The following SLC2A10 variants were observed in gnomAD, a reference collection of about 807,000 sequenced individuals.
The protein encoded by SLC2A10 is solute carrier family 2 member 10.
In SLC2A10, 25 loss-of-function variants were observed where a neutral mutation model predicts 32.1. The ratio of observed to expected loss-of-function variants is 0.78; its 90% CI spans 0.57 to 1.09. The LOEUF (loss-of-function observed/expected upper bound fraction) is 1.09, where lower values mean the gene tolerates loss of function less well. SLC2A10 is among the 50% of genes least tolerant of loss of function. The pLI, the probability that SLC2A10 is intolerant of heterozygous loss-of-function variation, is 0.00. For synonymous variants in SLC2A10, 332 were observed against 309.6 expected (o/e 1.07, Z -0.76); for missense variants, 673 against 686.5 (o/e 0.98, Z 0.22).
chr20:46,728,742 C>T (rs902158891), intron 3 of SLC2A10, among the ~76,000 whole-genome samples: 18 of 151,652 alleles, frequency 1.2e-4, no homozygotes, highest in African/African-American at 3.6e-4. Flanking sequence ...CTCAGCCTCC[C>T]GAGTAGCTGG....
chr20:46,729,201 C>A, intron 3 of SLC2A10, 152 bp from the exon 4 acceptor site: 1 of 925,344 alleles, frequency 1.1e-6, no homozygotes. Context: ...ACTTCACTGA[C>A]AGCTTATTGG....
intron 4 of SLC2A10, among the ~76,000 whole-genome samples, chr20:46,730,677 TG>T (rs1216927398): frequency 6.6e-6 from 1 of 151,568 alleles, no homozygotes; most frequent in Non-Finnish European, 1.5e-5. Flanking sequence ...ACAGGCCAGA[TG>T]GGTAGGATCA....
At chr20:46,726,469 T>A (rs1964823482) in intron 2 of SLC2A10, 145 bp downstream of exon 2, 1 of 1,234,468 alleles carries the variant, frequency 8.1e-7, no homozygotes, top group Non-Finnish European at 1.1e-6. Flanking sequence ...GCCCCTCACT[T>A]ACCTGCAGTT....
intron 1 of SLC2A10, among the ~76,000 whole-genome samples, chr20:46,723,199 C>T (rs551877344): frequency 6.6e-6 from 1 of 152,134 alleles, no homozygotes. Flanking sequence ...CTCATGGTTA[C>T]CCCCCATCAT....
chr20:46,725,735 A>C lies in SLC2A10; in HGVS notation c.699A>C (p.Thr233=), dbSNP rs546032251. The change falls in exon 2 of 5, where the codon ACA becomes ACC. Residue 233 remains threonine, a synonymous_variant. Coordinates refer to ENST00000359271, the MANE Select transcript of SLC2A10 (RefSeq NM_030777.4). ...RARDNMRGRT[T]VGLGLVLFQQ... ...GCGATAACATGCGAGGCCGGACCAC[A>C]GTGGGCCTGGGGCTGGTGCTCTTCC... 5.6e-6 allele frequency: 9 copies of C among 1,614,174 alleles called. No homozygotes were observed. The East Asian group carries it at 1.8e-4, about 32-fold the overall frequency.
intron 1 of SLC2A10, among the ~76,000 whole-genome samples, chr20:46,722,738 G>A (rs924072539): frequency 6.6e-6 from 1 of 152,232 alleles, no homozygotes; most frequent in Non-Finnish European, 1.5e-5. Flanking sequence ...TGAAATGGCA[G>A]TTACTCTTCT....
Position 46,729,398 on chromosome 20 carries a change from C to A in SLC2A10, c.1457C>A (p.Ala486Asp), listed in dbSNP as rs775211875. The change falls in exon 4 of 5, where the codon GCT (alanine) becomes GAT (aspartate). Residue 486 changes from alanine to aspartate, a missense_variant. Transcript: ENST00000359271. Reference sequence around the variant, plus strand: ...ACCTTCCTGCTCTACGGACTGACCGCTGTCCTCGGCCTGGGCTTCATCTAT... The same window carrying A: ...ACCTTCCTGCTCTACGGACTGACCGATGTCCTCGGCCTGGGCTTCATCTAT... ...SWTFLLYGLT[A>D]VLGLGFIYLF... The A allele has an allele frequency of 6.2e-7, 1 of 1,613,980 alleles. No individual in the cohort carries two copies. The highest frequency in any genetic ancestry group is 8.5e-7 in the Non-Finnish European group (1 of 1,180,024).
rs1235636002 is a variant in SLC2A10, at chr20:46,736,122, A to C, written c.*2288A>C. On this transcript the variant is annotated 3_prime_UTR_variant, in exon 5 of 5. Transcript: ENST00000359271. ...AATATTCTGTAAGAATCAATTGTCT[A>C]TATGGAATTTAGGATAAAGAATATT... 1 of 152,234 alleles carries C rather than the reference A, an allele frequency of 6.6e-6. No homozygotes were observed. The highest frequency in any genetic ancestry group is 1.5e-5 in the Non-Finnish European group (1 of 68,048). 9.4% of individuals were successfully genotyped at this position (152,234 alleles called of 1,614,324 possible).
Position 46,735,376 on chromosome 20 carries a change from A to C in SLC2A10, c.*1542A>C, listed in dbSNP as rs1305084556. The C allele has an allele frequency of 6.6e-6, 1 of 152,596 alleles. No homozygotes were observed. The allele number at this position is 152,596 out of a possible 1,614,324, so 9.5% of individuals were successfully genotyped here. On this transcript the variant is annotated 3_prime_UTR_variant, in exon 5 of 5. Transcript: ENST00000359271. Reference sequence around the variant, plus strand: ...GAGAGCTGGTTGCTACATTTTCAGGATTTTTACAAGTTGGTAAACACAGCC... The same window carrying C: ...GAGAGCTGGTTGCTACATTTTCAGGCTTTTTACAAGTTGGTAAACACAGCC...
rs1255070229 is a variant in SLC2A10 at position 46,725,119 on chromosome 20, T to C, written c.83T>C (p.Val28Ala). The C allele has an allele frequency of 5.0e-6, 8 of 1,614,098 alleles. No individual in the cohort carries two copies. The African/African-American group carries it at 9.3e-5, about 19-fold the overall frequency. Reference protein sequence around the residue: ...GGLTFGYELAVISGALLPLQL... With the variant: ...GGLTFGYELAAISGALLPLQL... ...CTGACCTTTGGTTATGAACTGGCAGTCATATCAGGTGCCCTGCTGCCACTG... is the reference window on the plus strand; with the variant it reads ...CTGACCTTTGGTTATGAACTGGCAGCCATATCAGGTGCCCTGCTGCCACTG... Residue 28 changes from valine (V) to alanine (A), a missense_variant, in exon 2 of 5, where the codon GTC becomes GCC. Transcript: ENST00000359271.
intron 4 of SLC2A10, among the ~76,000 whole-genome samples, chr20:46,730,670 G>A (rs1955323999): frequency 6.6e-6 from 1 of 152,048 alleles, no homozygotes; most frequent in Admixed American, 6.5e-5. Flanking sequence ...GGGTCAGACA[G>A]GCCAGATGGG....
chr20:46,727,005 A>G lies in SLC2A10; in HGVS notation c.1411+19A>G. 1 of 1,614,150 alleles carries G rather than the reference A, an allele frequency of 6.2e-7. No homozygotes were observed. Among genetic ancestry groups the G allele is most frequent in the Non-Finnish European group, 8.5e-7 (1 of 1,180,018 alleles). On this transcript the variant is annotated intron_variant, in intron 3 of 4. Coordinates refer to ENST00000359271, the MANE Select transcript of SLC2A10 (RefSeq NM_030777.4). ...CTCATTGGTGAGTCCTTCCCAGACA[A>G]GTCCGTTTTTTTTCTGTGGCCCAAG...
At chr20:46,715,358 C>T (rs76506721) in intron 1 of SLC2A10, among the ~76,000 whole-genome samples, 1 of 152,178 alleles carries the variant, frequency 6.6e-6, no homozygotes, top group Non-Finnish European at 1.5e-5. Flanking sequence ...TGGCTGGGTT[C>T]CCTTTCGCTG....
At chr20:46,709,572 G>A (rs1021178713), upstream of SLC2A10, 38 of 865,252 alleles carry the variant, frequency 4.4e-5, no homozygotes, top group African/African-American at 5.2e-4. Context: ...GGCCTGGCTG[G>A]CCGACGTGGC....
At chr20:46,714,741 A>G (rs937906150) in intron 1 of SLC2A10, 2 of 152,498 alleles carry the variant, frequency 1.3e-5, no homozygotes, top group African/African-American at 4.8e-5. Context: ...CTTGCCTGTC[A>G]TGCTAAGGTG....
chr20:46,710,802 AT>A (rs933794527), intron 1 of SLC2A10, among the ~76,000 whole-genome samples: 2 of 152,158 alleles, frequency 1.3e-5, no homozygotes, highest in African/African-American at 4.8e-5. Flanking sequence ...AGAAGTTCAG[AT>A]TTTATTGCAA....
At chr20:46,724,081 T>C (rs921983892) in intron 1 of SLC2A10, among the ~76,000 whole-genome samples, 30 of 152,210 alleles carry the variant, frequency 2.0e-4, no homozygotes, top group African/African-American at 6.8e-4. Context: ...GGGACTTTCA[T>C]GTCACTCAAA....
Position 46,735,044 on chromosome 20 carries a change from T to C in SLC2A10, c.*1210T>C, listed in dbSNP as rs1356371621. 1 of 152,620 alleles carries C rather than the reference T, an allele frequency of 6.6e-6. No homozygotes were observed. The highest frequency in any genetic ancestry group is 2.4e-5 in the African/African-American group (1 of 41,432). 9.5% of individuals were successfully genotyped at this position (152,620 alleles called of 1,614,324 possible). The stretch of plus-strand genomic sequence containing the variant: ...GTCCAGGGCCTGGGAAATTTCTACT[T>C]ATCCTCATTACCCAGGTCCCTCCTT... On this transcript the variant is annotated 3_prime_UTR_variant, in exon 5 of 5. Transcript: ENST00000359271.
intron 3 of SLC2A10, 56 bp from the exon 4 acceptor site, chr20:46,729,297 G>C (rs1424069507): frequency 1.9e-6 from 3 of 1,610,366 alleles, no homozygotes; most frequent in South Asian, 2.2e-5. Flanking sequence ...GTTGGCCCAG[G>C]CTGCGGGGCC....
Sources: gnomAD v4.1 joint callset for allele counts (sites outside exome capture counted in the v4.1 genomes callset) on GRCh38, gnomAD v4.1.1 for gene constraint, MANE v1.5 for transcripts, NCBI Gene and HGNC (gene_info 2026-07-23, HGNC 2026-07-21) for gene names.